Variants in GLDC observed in about 807,000 individuals in gnomAD.
GLDC encodes the protein glycine dehydrogenase (decarboxylating), mitochondrial.
In GLDC, 104 loss-of-function variants were observed where a neutral mutation model predicts 121.3. That is an observed-to-expected ratio of 0.86 (90% CI 0.73 to 1.01). The LOEUF (loss-of-function observed/expected upper bound fraction) is 1.01, where lower values mean the gene tolerates loss of function less well. Ranked by LOEUF, GLDC falls within the 50% of genes least tolerant of loss-of-function variation. The pLI, the probability that GLDC is intolerant of heterozygous loss-of-function variation, is 0.00. For synonymous variants in GLDC, 546 were observed against 480.6 expected, an observed-to-expected ratio of 1.14 and a Z score of -1.78; for missense variants, 1,429 against 1,306.6, an observed-to-expected ratio of 1.09 and a Z score of -1.44.
intron 23 of GLDC, among the ~76,000 whole-genome samples, chr9:6,535,541 C>T (rs1016202793): frequency 2.0e-5 from 3 of 151,988 alleles, no homozygotes; most frequent in African/African-American, 7.3e-5. Context: ...GTATTCTCCA[C>T]TCCTGATCTT....
chr9:6,606,351 C>T (rs902767296), intron 5 of GLDC, among the ~76,000 whole-genome samples: 1 of 149,158 alleles, frequency 6.7e-6, no homozygotes, highest in Non-Finnish European at 1.5e-5. Flanking sequence ...AAACAAAACA[C>T]AACTTACTAT....
At chr9:6,639,223 T>G (rs1819575391) in intron 2 of GLDC, 5 of 899,296 alleles carry the variant, frequency 5.6e-6, no homozygotes, top group South Asian at 5.2e-5. Flanking sequence ...AAGAAGGCAG[T>G]GTTGAAAGGT....
At chr9:6,627,622 A>G (rs557471113) in intron 2 of GLDC, among the ~76,000 whole-genome samples, 1 of 152,328 alleles carries the variant, frequency 6.6e-6, no homozygotes, top group South Asian at 2.1e-4. Flanking sequence ...TTTTCGAGCC[A>G]TTAAGAGTAG....
chr9:6,585,105 G>GT lies in GLDC; in HGVS notation c.1850+2035dup, dbSNP rs1444568399. ...TTATGATTCAATCTGGGATTGTGATGTGGGCATCAGGGATGTTATAAAGTC... is the reference window on the plus strand; with the variant it reads ...TTATGATTCAATCTGGGATTGTGATGTTGGGCATCAGGGATGTTATAAAGTC... On this transcript the variant is annotated intron_variant, in intron 15 of 24. Coordinates refer to ENST00000321612, the MANE Select transcript of GLDC (RefSeq NM_000170.3). 7 of 152,296 alleles carry GT rather than the reference G, an allele frequency of 4.6e-5. No homozygotes were observed. In the East Asian group the frequency reaches 7.7e-4, roughly 17 times the overall value. The allele number at this position is 152,296 out of a possible 1,614,324, so 9.4% of individuals were successfully genotyped here. A position where few individuals can be genotyped will look rare whatever the true frequency, so the allele number is the denominator to read the frequency against.
intron 16 of GLDC, among the ~76,000 whole-genome samples, chr9:6,563,664 T>C (rs991539632): frequency 6.6e-6 from 1 of 152,220 alleles, no homozygotes. Context: ...TCTAAACTAA[T>C]CATTCCTTAG....
At chr9:6,596,923 C>A (rs1422524014) in intron 8 of GLDC, among the ~76,000 whole-genome samples, 1 of 152,206 alleles carries the variant, frequency 6.6e-6, no homozygotes, top group Non-Finnish European at 1.5e-5. Flanking sequence ...TACATCCATA[C>A]AAAAATTTAC....
chr9:6,604,815 G>C (rs1818697086), intron 6 of GLDC, 31 bp from the exon 7 acceptor site: 1 of 1,565,492 alleles, frequency 6.4e-7, no homozygotes, highest in African/African-American at 1.4e-5. Flanking sequence ...AAGGAACAAG[G>C]TTGCTACCTT....
chr9:6,612,568 C>T (rs1293888646), intron 3 of GLDC, among the ~76,000 whole-genome samples: 1 of 151,524 alleles, frequency 6.6e-6, no homozygotes, highest in South Asian at 2.1e-4. Context: ...CTCACCTCTA[C>T]AAAAAAATCA....
intron 15 of GLDC, among the ~76,000 whole-genome samples, chr9:6,567,722 TTACTC>T (rs987520793): frequency 8.5e-5 from 13 of 152,204 alleles, no homozygotes; most frequent in African/African-American, 2.7e-4. Context: ...TCATAGCATT[TTACTC>T]TACAATCTTA....
intron 2 of GLDC, among the ~76,000 whole-genome samples, chr9:6,635,312 G>A (rs777134414): frequency 1.3e-5 from 2 of 152,158 alleles, no homozygotes; most frequent in Non-Finnish European, 2.9e-5. Context: ...AAGGAGATTT[G>A]GCAATAGTAC....
intron 15 of GLDC, among the ~76,000 whole-genome samples, chr9:6,574,400 G>A (rs1818022788): frequency 6.6e-6 from 1 of 151,568 alleles, no homozygotes; most frequent in African/African-American, 2.4e-5. Flanking sequence ...CTGGGAGGTG[G>A]AGGTTGCAGT....
At chr9:6,606,493 A>G (rs1818736058) in intron 5 of GLDC, 99 bp downstream of exon 5, 4 of 852,706 alleles carry the variant, frequency 4.7e-6, no homozygotes, top group Non-Finnish European at 8.2e-6. Context: ...ACCCTGTTTC[A>G]GATTCACCTC....
intron 21 of GLDC, chr9:6,541,202 C>T (rs200782868): frequency 6.6e-6 from 1 of 152,166 alleles, no homozygotes; most frequent in Non-Finnish European, 1.5e-5. Context: ...GCCAGTAGCT[C>T]CCCAGAATGA....
In GLDC at chr9:6,595,027, C is replaced by T; in HGVS notation, c.1248G>A (p.Leu416=). Reference sequence around the variant, plus strand: ...TTACCAACTCACCTTCTGACAAAATCAAAGTGGCATTATGTACCCTCCTAG... The same window carrying T: ...TTACCAACTCACCTTCTGACAAAATTAAAGTGGCATTATGTACCCTCCTAG... ...HIARRVHNAT[L]ILSEGLKRAG... is the part of the protein sequence containing the mutation. Residue 416 remains leucine, a synonymous_variant, in exon 9 of 25, where the codon TTG becomes TTA. Transcript: ENST00000321612. The T allele has an allele frequency of 6.3e-7, 1 of 1,595,190 alleles. No homozygotes were observed. Among genetic ancestry groups the T allele is most frequent in the East Asian group, 2.2e-5 (1 of 44,800 alleles).
At chr9:6,568,055 A>G (rs1817885455) in intron 15 of GLDC, among the ~76,000 whole-genome samples, 1 of 152,214 alleles carries the variant, frequency 6.6e-6, no homozygotes, top group South Asian at 2.1e-4. Context: ...TTTCTCATGA[A>G]TTCTATTCAT....
At chr9:6,594,856 C>T (rs1048549056) in intron 9 of GLDC, among the ~76,000 whole-genome samples, 158 bp downstream of exon 9, 5 of 150,832 alleles carry the variant, frequency 3.3e-5, no homozygotes, top group Admixed American at 1.3e-4. Context: ...AGAAAGAAAG[C>T]AAAACAACAA....
intron 15 of GLDC, among the ~76,000 whole-genome samples, chr9:6,571,775 C>T (rs931841280): frequency 2.0e-5 from 3 of 152,136 alleles, no homozygotes; most frequent in African/African-American, 7.2e-5. Flanking sequence ...AGCCAGTTGA[C>T]CATGGGTAAC....
At chr9:6,586,101 G>C (rs565006014) in intron 15 of GLDC, among the ~76,000 whole-genome samples, 1 of 152,192 alleles carries the variant, frequency 6.6e-6, no homozygotes, top group South Asian at 2.1e-4. Context: ...TTAGAGACCA[G>C]CCTGACCAAC....
Position 6,618,495 on chromosome 9 carries a change from C to A in GLDC, c.470+1689G>T, listed in dbSNP as rs932902610. Among the ~76,000 whole-genome samples the A allele has an allele frequency of 3.7e-4, 56 of 152,042 alleles. 1 individual carries two copies. The highest frequency in any genetic ancestry group is 6.6e-4 in the Admixed American group (10 of 15,260). On this transcript the variant is annotated intron_variant, in intron 3 of 24. Transcript: ENST00000321612. ...GCTAATTTTGTATTTTTAGTAGAGA[C>A]AGGGTTTTTCCATGTTGGTCAGGCT... is the stretch of plus-strand genomic sequence containing the variant.
Sources: gnomAD v4.1 joint callset for allele counts (sites outside exome capture counted in the v4.1 genomes callset) on GRCh38, gnomAD v4.1.1 for gene constraint, MANE v1.5 for transcripts, NCBI Gene and HGNC (gene_info 2026-07-23, HGNC 2026-07-21) for gene names.